Variants in TTC27 observed in about 807,000 individuals in gnomAD.
TTC27 encodes tetratricopeptide repeat domain 27, also known as tetratricopeptide repeat protein 27.
Under a neutral mutation model 115.9 loss-of-function variants are expected in TTC27, and 79 were observed. That is an observed-to-expected ratio of 0.68 (90% CI 0.57 to 0.82). The LOEUF is 0.82. Ranked by LOEUF, TTC27 falls within the 40% of genes least tolerant of loss-of-function variation. The pLI is 0.00. For synonymous variants in TTC27, 401 were observed against 356.0 expected, an observed-to-expected ratio of 1.13 and a Z score of -1.42; for missense variants, 1,054 against 993.1, an observed-to-expected ratio of 1.06 and a Z score of -0.82.
intron 2 of TTC27, among the ~76,000 whole-genome samples, chr2:32,632,950 T>G (rs1318409151): frequency 1.3e-5 from 2 of 152,208 alleles, no homozygotes; most frequent in Non-Finnish European, 2.9e-5. Flanking sequence ...ATATTTCATA[T>G]TTAGAAAAAG....
At chr2:32,731,322 G>A (rs1406295830) in intron 10 of TTC27, among the ~76,000 whole-genome samples, 9 of 151,326 alleles carry the variant, frequency 5.9e-5, no homozygotes, top group African/African-American at 1.5e-4. Flanking sequence ...TTCCTGATCC[G>A]CCTGCCTCAG....
At chr2:32,814,221 G>T (rs1671416075) in intron 18 of TTC27, among the ~76,000 whole-genome samples, 1 of 152,176 alleles carries the variant, frequency 6.6e-6, no homozygotes, top group South Asian at 2.1e-4. Flanking sequence ...AGATATGCAG[G>T]TTAAAGAGAT....
chr2:32,752,362 C>T (rs1451767804), intron 12 of TTC27, among the ~76,000 whole-genome samples: 1 of 152,198 alleles, frequency 6.6e-6, no homozygotes, highest in African/African-American at 2.4e-5. Context: ...TTATTGGATG[C>T]CTTCCTGTAC....
intron 9 of TTC27, among the ~76,000 whole-genome samples, chr2:32,680,861 T>C (rs1362037101): frequency 1.3e-5 from 2 of 152,232 alleles, no homozygotes; most frequent in East Asian, 3.8e-4. Context: ...GTTAATTTTT[T>C]AGCATTTCTT....
chr2:32,701,267 G>A (rs1667174066), intron 9 of TTC27, among the ~76,000 whole-genome samples: 1 of 152,140 alleles, frequency 6.6e-6, no homozygotes, highest in African/African-American at 2.4e-5. Context: ...TATTCTTGAT[G>A]TACTCCTCTT....
At chr2:32,756,241 C>T (rs1384561913) in intron 12 of TTC27, among the ~76,000 whole-genome samples, 3 of 152,156 alleles carry the variant, frequency 2.0e-5, no homozygotes, top group African/African-American at 7.2e-5. Flanking sequence ...GGTACCATAC[C>T]GTCAGTATCG....
chr2:32,758,206 G>A, intron 12 of TTC27, 86 bp from the exon 13 acceptor site: 2 of 1,217,928 alleles, frequency 1.6e-6, no homozygotes, highest in Non-Finnish European at 2.3e-6. Context: ...AATTTGGATT[G>A]TGTGAGATTA....
At chr2:32,819,863 G>C (rs7580172) in intron 19 of TTC27, among the ~76,000 whole-genome samples, 18,985 of 152,146 alleles carry the variant, frequency 0.12, 1,586 homozygotes, top group African/African-American at 0.24. Flanking sequence ...CAGTTTCTCC[G>C]TGCTTCCTCC....
chr2:32,689,528 T>C (rs1057070429), intron 9 of TTC27, among the ~76,000 whole-genome samples: 1 of 152,024 alleles, frequency 6.6e-6, no homozygotes, highest in Non-Finnish European at 1.5e-5. Context: ...ACATTCGTTA[T>C]GAAGTTTACT....
intron 4 of TTC27, among the ~76,000 whole-genome samples, 167 bp from the exon 5 acceptor site, chr2:32,649,964 C>T (rs1665025803): frequency 6.6e-6 from 1 of 151,946 alleles, no homozygotes; most frequent in Non-Finnish European, 1.5e-5. Flanking sequence ...ATGGAAGACA[C>T]AGATGTGGGT....
At chr2:32,668,823 T>C (rs1193111616) in intron 7 of TTC27, among the ~76,000 whole-genome samples, 2 of 148,714 alleles carry the variant, frequency 1.3e-5, no homozygotes, top group African/African-American at 2.5e-5. Flanking sequence ...CTCACGCCTG[T>C]AATCCCAGCA....
intron 12 of TTC27, among the ~76,000 whole-genome samples, chr2:32,753,429 C>CTTTTTTTTTTTTTTT (rs776515945): frequency 2.7e-5 from 2 of 72,848 alleles, no homozygotes; most frequent in African/African-American, 1.1e-4. Context: ...AATCAAATGC[C>CTTTTTTTTTTTTTTT]TTTTTTTTTT....
intron 1 of TTC27, among the ~76,000 whole-genome samples, chr2:32,629,785 A>G (rs1664099038): frequency 6.6e-6 from 1 of 152,170 alleles, no homozygotes; most frequent in Admixed American, 6.6e-5. Flanking sequence ...TTTACCAGAG[A>G]GATAAAGAGT....
intron 10 of TTC27, among the ~76,000 whole-genome samples, chr2:32,710,153 C>T (rs907075617): frequency 1.3e-5 from 2 of 151,790 alleles, no homozygotes; most frequent in African/African-American, 2.4e-5. Flanking sequence ...GTAGCTGGGA[C>T]TATAGGCATG....
At chr2:32,728,799 T>C (rs1668198354) in intron 10 of TTC27, among the ~76,000 whole-genome samples, 1 of 152,170 alleles carries the variant, frequency 6.6e-6, no homozygotes, top group South Asian at 2.1e-4. Flanking sequence ...ACTTACTAGG[T>C]GTGTTAACAG....
At chr2:32,673,418 G>A (rs927685936) in intron 8 of TTC27, among the ~76,000 whole-genome samples, 2 of 151,846 alleles carry the variant, frequency 1.3e-5, no homozygotes, top group Non-Finnish European at 2.9e-5. Flanking sequence ...GTAGAGATGG[G>A]GTTTCGCCGT....
intron 1 of TTC27, among the ~76,000 whole-genome samples, chr2:32,629,342 A>C (rs1391837015): frequency 2.7e-5 from 4 of 150,804 alleles, no homozygotes; most frequent in Admixed American, 1.3e-4. Flanking sequence ...CTGGTCTGGA[A>C]CTCCTGACCT....
chr2:32,641,612 A>G (rs1664651301), intron 4 of TTC27, among the ~76,000 whole-genome samples: 1 of 152,214 alleles, frequency 6.6e-6, no homozygotes. Context: ...AGTGTCAGAA[A>G]TAGTACATCT....
intron 10 of TTC27, among the ~76,000 whole-genome samples, chr2:32,711,567 G>GT (rs1559217378): frequency 6.6e-6 from 1 of 152,092 alleles, no homozygotes; most frequent in African/African-American, 2.4e-5. Flanking sequence ...ACAGTGTTGT[G>GT]TTTTTTTAAT....
Sources: allele counts gnomAD v4.1 joint callset (sites outside exome capture counted in the v4.1 genomes callset), GRCh38; gene constraint gnomAD v4.1.1; transcripts MANE v1.5; gene names NCBI Gene and HGNC (gene_info 2026-07-23, HGNC 2026-07-21).